Variants in PALM2AKAP2 observed in about 807,000 individuals in gnomAD.
PALM2AKAP2 encodes PALM2 and AKAP2 fusion.
Under a neutral mutation model 71.5 loss-of-function variants are expected in PALM2AKAP2, and 37 were observed. The observed-to-expected ratio is 0.52, with a 90% CI of 0.40 to 0.68. The LOEUF is 0.68. Among genes scored for constraint, PALM2AKAP2 ranks in the 30% least tolerant of loss-of-function variants. PALM2AKAP2 has a pLI of 0.00. For synonymous variants in PALM2AKAP2, 468 were observed against 478.8 expected, an observed-to-expected ratio of 0.98 and a Z score of 0.29; for missense variants, 1,224 against 1,191.8, an observed-to-expected ratio of 1.03 and a Z score of -0.40.
chr9:110,011,014 A>AAAAAAAAAATAT (rs35212981), intron 6 of PALM2AKAP2, among the ~76,000 whole-genome samples: 9 of 69,586 alleles, frequency 1.3e-4, no homozygotes, highest in African/African-American at 5.5e-4. Context: ...AAAAAAAAAA[A>AAAAAAAAAATAT]ATATATATAT....
intron 1 of PALM2AKAP2, among the ~76,000 whole-genome samples, chr9:110,091,653 G>C (rs1032730911): frequency 6.6e-6 from 1 of 151,880 alleles, no homozygotes; most frequent in East Asian, 1.9e-4. Flanking sequence ...TAGTAGAGAT[G>C]GGGTTTCACC....
chr9:109,867,223 A>C, intron 1 of PALM2AKAP2: 1 of 356,194 alleles, frequency 2.8e-6, no homozygotes, highest in South Asian at 2.3e-5. Context: ...TGTGTGTAGA[A>C]ACCGTCTTTT....
intron 1 of PALM2AKAP2, among the ~76,000 whole-genome samples, chr9:110,098,793 T>C (rs1834923667): frequency 6.6e-6 from 1 of 152,204 alleles, no homozygotes; most frequent in Admixed American, 6.5e-5. Flanking sequence ...GGCATTCTAC[T>C]TCACCACCTC....
At chr9:110,002,899 G>T (rs1832706164) in intron 6 of PALM2AKAP2, among the ~76,000 whole-genome samples, 2 of 152,190 alleles carry the variant, frequency 1.3e-5, no homozygotes, top group Admixed American at 1.3e-4. Flanking sequence ...ATTTTTTATT[G>T]CGTCTATTTG....
At chr9:109,938,648 C>T (rs770091291) in intron 6 of PALM2AKAP2, among the ~76,000 whole-genome samples, 1 of 152,164 alleles carries the variant, frequency 6.6e-6, no homozygotes, top group Non-Finnish European at 1.5e-5. Context: ...AGCCATATCA[C>T]ATTTAAAGAA....
At chr9:109,700,953 A>G (rs903974536) in intron 1 of PALM2AKAP2, among the ~76,000 whole-genome samples, 3 of 152,242 alleles carry the variant, frequency 2.0e-5, no homozygotes, top group African/African-American at 7.2e-5. Flanking sequence ...TGGAATCGTA[A>G]CAATAACAAA....
chr9:109,989,291 C>T (rs10217559), intron 6 of PALM2AKAP2, among the ~76,000 whole-genome samples: 92,317 of 151,992 alleles, frequency 0.61, 29,351 homozygotes, highest in East Asian at 0.8. Flanking sequence ...TTGTCTTGCC[C>T]AACAATGAAT....
At chr9:110,014,804 ATG>A (rs1333235102) in intron 6 of PALM2AKAP2, among the ~76,000 whole-genome samples, 15 of 4,280 alleles carry the variant, frequency 3.5e-3, no homozygotes, top group African/African-American at 5.2e-3. Context: ...AAAAAAAAAA[ATG>A]TATATATATA....
At chr9:109,733,224 C>G (rs1456085236) in intron 1 of PALM2AKAP2, among the ~76,000 whole-genome samples, 1 of 152,152 alleles carries the variant, frequency 6.6e-6, no homozygotes, top group African/African-American at 2.4e-5. Context: ...AAATATATCC[C>G]TTACCTTATC....
At chr9:110,159,332 A>T (rs567146297) in intron 3 of PALM2AKAP2, among the ~76,000 whole-genome samples, 1 of 152,178 alleles carries the variant, frequency 6.6e-6, no homozygotes, top group South Asian at 2.1e-4. Context: ...GCATCTCCCC[A>T]TGTTATGCAG....
At chr9:109,714,667 T>C (rs1254081353) in intron 1 of PALM2AKAP2, among the ~76,000 whole-genome samples, 1 of 152,134 alleles carries the variant, frequency 6.6e-6, no homozygotes, top group African/African-American at 2.4e-5. Context: ...TATGACCATG[T>C]ATTGAACACC....
At chr9:109,960,037 T>C (rs1432700167) in intron 6 of PALM2AKAP2, among the ~76,000 whole-genome samples, 3 of 152,166 alleles carry the variant, frequency 2.0e-5, no homozygotes, top group African/African-American at 7.2e-5. Flanking sequence ...AACAACTTCT[T>C]CTCCATCACC....
chr9:109,827,656 G>A (rs1828190658), intron 1 of PALM2AKAP2, among the ~76,000 whole-genome samples: 1 of 152,068 alleles, frequency 6.6e-6, no homozygotes, highest in South Asian at 2.1e-4. Flanking sequence ...ATGATCTACT[G>A]AATGAGAATC....
At chr9:109,935,142 A>G (rs1006835756) in intron 6 of PALM2AKAP2, among the ~76,000 whole-genome samples, 2 of 152,184 alleles carry the variant, frequency 1.3e-5, no homozygotes, top group East Asian at 1.9e-4. Context: ...TTTCACTTGA[A>G]TCTAGGCCTC....
intron 7 of PALM2AKAP2, among the ~76,000 whole-genome samples, chr9:110,035,412 T>C (rs1382001058): frequency 7.2e-6 from 1 of 139,482 alleles, no homozygotes; most frequent in Non-Finnish European, 1.5e-5. Flanking sequence ...GTATATAATA[T>C]GTATAATACA....
At chr9:109,778,630 G>T (rs1337768970), upstream of PALM2AKAP2, among the ~76,000 whole-genome samples, 5 of 152,152 alleles carry the variant, frequency 3.3e-5, no homozygotes, top group African/African-American at 4.8e-5. Flanking sequence ...AAACGATTTT[G>T]GTGAGTGCTT....
intron 1 of PALM2AKAP2, among the ~76,000 whole-genome samples, chr9:109,782,780 G>C (rs1049053826): frequency 6.6e-6 from 1 of 150,608 alleles, no homozygotes; most frequent in Non-Finnish European, 1.5e-5. Flanking sequence ...GTGTGTGTAT[G>C]TGTGTGTGAG....
At chr9:109,977,774 C>G (rs931126803) in intron 6 of PALM2AKAP2, among the ~76,000 whole-genome samples, 1 of 152,208 alleles carries the variant, frequency 6.6e-6, no homozygotes, top group African/African-American at 2.4e-5. Context: ...CCCCCTGCCT[C>G]TCTCTGGGTA....
At chr9:110,058,059 C>T (rs1292169309) in intron 1 of PALM2AKAP2, among the ~76,000 whole-genome samples, 1 of 152,154 alleles carries the variant, frequency 6.6e-6, no homozygotes, top group African/African-American at 2.4e-5. Context: ...ACACCCCCTT[C>T]CACCAACAAA....
Sources: allele counts gnomAD v4.1 joint callset (sites outside exome capture counted in the v4.1 genomes callset), GRCh38; gene constraint gnomAD v4.1.1; transcripts MANE v1.5; gene names NCBI Gene and HGNC (gene_info 2026-07-23, HGNC 2026-07-21).